ACO2: variants seen among roughly 807,000 people sequenced by gnomAD.
ACO2 encodes the protein aconitase 2, also known as aconitate hydratase, mitochondrial.
ACO2 carries 31 observed loss-of-function variants against 84.5 expected under a neutral mutation model. That is an observed-to-expected ratio of 0.37 (90% CI 0.28 to 0.50). The LOEUF is 0.50. ACO2 is among the 20% of genes least tolerant of loss of function. ACO2 has a pLI of 0.97. For synonymous variants in ACO2, 414 were observed against 412.7 expected (o/e 1.00, Z -0.04); for missense variants, 685 against 1,029.3 (o/e 0.67, Z 4.58).
In ACO2 at chr22:41,525,121, T is replaced by C. The variant is rs570837753; in HGVS notation, c.1606-72T>C. 1,181 of 1,596,064 alleles carry C rather than the reference T, an allele frequency of 7.4e-4. 1 individual carries two copies. The highest frequency in any genetic ancestry group is 7.8e-4 in the Non-Finnish European group (907 of 1,168,076). Reference sequence around the variant, plus strand: ...GAGGGGAGGTGGGGCCCGAGGAAACTTGCCTTCTGAGAGTCTGTCCTTGTG... The same window carrying C: ...GAGGGGAGGTGGGGCCCGAGGAAACCTGCCTTCTGAGAGTCTGTCCTTGTG... On this transcript the variant is annotated intron_variant, in intron 13 of 17. Coordinates refer to ENST00000216254, the MANE Select transcript of ACO2 (RefSeq NM_001098.3).
intron 1 of ACO2, among the ~76,000 whole-genome samples, chr22:41,477,217 G>C (rs931052109): frequency 6.6e-6 from 1 of 151,164 alleles, no homozygotes; most frequent in Non-Finnish European, 1.5e-5. Flanking sequence ...GCAGTGGCGC[G>C]ATCTCCACTC....
chr22:41,481,951 C>T (rs2038093338), intron 1 of ACO2, among the ~76,000 whole-genome samples: 2 of 152,212 alleles, frequency 1.3e-5, no homozygotes, highest in Admixed American at 6.5e-5. Flanking sequence ...TCTCTGTCTT[C>T]TCATGTAAAC....
At chr22:41,477,537 T>C (rs1416791057) in intron 1 of ACO2, among the ~76,000 whole-genome samples, 1 of 152,136 alleles carries the variant, frequency 6.6e-6, no homozygotes, top group Non-Finnish European at 1.5e-5. Flanking sequence ...TCCACCTTGC[T>C]GCGTGACCCT....
intron 1 of ACO2, among the ~76,000 whole-genome samples, chr22:41,481,704 G>C (rs989491457): frequency 2.0e-5 from 3 of 152,208 alleles, no homozygotes; most frequent in African/African-American, 7.2e-5. Flanking sequence ...AACCCGTGCT[G>C]TTGCTCATCA....
At chr22:41,469,904 C>T (rs1443294292) in intron 1 of ACO2, among the ~76,000 whole-genome samples, 1 of 152,192 alleles carries the variant, frequency 6.6e-6, no homozygotes, top group Non-Finnish European at 1.5e-5. Context: ...CACCGAAGTG[C>T]TGTGGCAGAA....
At chr22:41,492,424 G>T (rs2066278282) in intron 1 of ACO2, among the ~76,000 whole-genome samples, 1 of 152,030 alleles carries the variant, frequency 6.6e-6, no homozygotes, top group Non-Finnish European at 1.5e-5. Flanking sequence ...ATCACCTGAG[G>T]TCAGGAGTTT....
chr22:41,526,568 A>C (rs1569024364), intron 15 of ACO2, 115 bp downstream of exon 15: 3 of 1,198,326 alleles, frequency 2.5e-6, no homozygotes, highest in South Asian at 1.5e-5. Context: ...ACCAAGCCCA[A>C]AGGGGACTGC....
intron 1 of ACO2, among the ~76,000 whole-genome samples, chr22:41,492,846 A>T (rs992201094): frequency 1.3e-5 from 2 of 152,232 alleles, no homozygotes; most frequent in African/African-American, 4.8e-5. Context: ...CAGGAGGCTG[A>T]GGCGGAAGAA....
At chr22:41,525,920 T>C in intron 14 of ACO2, 1 of 248,736 alleles carries the variant, frequency 4.0e-6, no homozygotes, top group East Asian at 8.5e-5. Context: ...GACCCAGGCA[T>C]GTCCTGGGCT....
At chr22:41,526,003 C>G in intron 14 of ACO2, 1 of 418,648 alleles carries the variant, frequency 2.4e-6, no homozygotes, top group Non-Finnish European at 4.3e-6. Flanking sequence ...TTGACCTGTC[C>G]CAACTTTGGG....
rs377518755 is a variant in ACO2 at position 41,527,345 on chromosome 22, C to T, written c.2011C>T (p.Arg671Trp). 6.2e-7 allele frequency: 1 copy of T among 1,614,118 alleles called. No homozygotes were observed. The highest frequency in any genetic ancestry group is 1.3e-5 in the African/African-American group (1 of 75,044). ...GDENYGEGSS[R>W]EHAALEPRHL... ...CGAGAACTACGGCGAGGGCTCGAGC[C>T]GGGAGCATGCAGCTCTGGAGCCTCG... Residue 671 changes from arginine to tryptophan, a missense_variant, in exon 16 of 18, where the codon CGG becomes TGG. Arg to Trp is a moderately radical substitution (Grantham distance 101, BLOSUM62 -3). This residue lies in a region of ACO2 where 174 missense variants were observed against 236.6 expected (regional missense o/e 0.74). Transcript: ENST00000216254.
chr22:41,507,075 G>A (rs911955884), intron 2 of ACO2, among the ~76,000 whole-genome samples: 2 of 152,056 alleles, frequency 1.3e-5, no homozygotes, highest in Admixed American at 6.5e-5. Context: ...CTCTGATGAG[G>A]AAGGGAGGGG....
intron 1 of ACO2, among the ~76,000 whole-genome samples, chr22:41,476,821 T>A (rs544742954): frequency 6.6e-6 from 1 of 152,074 alleles, no homozygotes; most frequent in Non-Finnish European, 1.5e-5. Flanking sequence ...GATTTTCCCC[T>A]TGTAGAATAT....
intron 3 of ACO2, among the ~76,000 whole-genome samples, chr22:41,510,156 G>A (rs1023665832): frequency 1.3e-4 from 20 of 152,128 alleles, no homozygotes; most frequent in Admixed American, 8.5e-4. Context: ...TCATTATTAC[G>A]TGTATTTGTA....
At chr22:41,481,608 G>C (rs1422559302) in intron 1 of ACO2, among the ~76,000 whole-genome samples, 1 of 152,240 alleles carries the variant, frequency 6.6e-6, no homozygotes, top group Non-Finnish European at 1.5e-5. Flanking sequence ...GTCTGACTTT[G>C]GCCGAGTGGG....
At chr22:41,476,495 G>T (rs903827907) in intron 1 of ACO2, among the ~76,000 whole-genome samples, 1 of 151,480 alleles carries the variant, frequency 6.6e-6, no homozygotes, top group African/African-American at 2.4e-5. Context: ...ATCACCTGAG[G>T]TCAGGAGTTT....
intron 1 of ACO2, among the ~76,000 whole-genome samples, chr22:41,494,109 A>G (rs2066294234): frequency 6.6e-6 from 1 of 152,224 alleles, no homozygotes; most frequent in African/African-American, 2.4e-5. Context: ...ACATAGTTGG[A>G]AAGCAGAACG....
At chr22:41,478,359 G>A (rs1265345187) in intron 1 of ACO2, among the ~76,000 whole-genome samples, 1 of 151,996 alleles carries the variant, frequency 6.6e-6, no homozygotes, top group Non-Finnish European at 1.5e-5. Context: ...GGCAAAGCTG[G>A]TCTCCAACTC....
At chr22:41,528,303 C>T (rs911992375) in intron 17 of ACO2, 176 bp from the exon 18 acceptor site, 156 of 965,766 alleles carry the variant, frequency 1.6e-4, no homozygotes, top group Admixed American at 4.0e-4. Flanking sequence ...CCCCAGGAAT[C>T]CCCTGTAGGT....
Sources: allele counts gnomAD v4.1 joint callset (sites outside exome capture counted in the v4.1 genomes callset), GRCh38; gene constraint gnomAD v4.1.1; regional missense constraint gnomAD v4.1.1; transcripts MANE v1.5; gene names NCBI Gene and HGNC (gene_info 2026-07-23, HGNC 2026-07-21).